The following CHST9 variants were observed in gnomAD, a reference collection of about 807,000 sequenced individuals.
CHST9 encodes the protein carbohydrate sulfotransferase 9, also known as GalNAc-4-sulfotransferase 2.
CHST9 carries 41 observed loss-of-function variants against 44.4 expected under a neutral mutation model. The ratio of observed to expected loss-of-function variants is 0.92; its 90% CI spans 0.72 to 1.20. The LOEUF (loss-of-function observed/expected upper bound fraction) is 1.20. CHST9 is among the 50% of genes most tolerant of loss of function. CHST9 has a pLI of 0.00. For synonymous variants in CHST9, 171 were observed against 178.4 expected, an observed-to-expected ratio of 0.96 and a Z score of 0.33; for missense variants, 504 against 516.5, an observed-to-expected ratio of 0.98 and a Z score of 0.23.
intron 2 of CHST9, among the ~76,000 whole-genome samples, chr18:27,116,618 A>G (rs1370038221): frequency 6.6e-6 from 1 of 152,188 alleles, no homozygotes; most frequent in Non-Finnish European, 1.5e-5. Context: ...TCAGCTTATC[A>G]ATTTTGGCAA....
chr18:27,011,495 C>T (rs1166200740), intron 4 of CHST9, among the ~76,000 whole-genome samples: 3 of 152,048 alleles, frequency 2.0e-5, no homozygotes, highest in Non-Finnish European at 4.4e-5. Flanking sequence ...AAGAGCAGCA[C>T]CATGCAGTAA....
intron 4 of CHST9, among the ~76,000 whole-genome samples, chr18:27,001,602 T>C (rs2056954118): frequency 6.8e-6 from 1 of 147,080 alleles, no homozygotes; most frequent in Non-Finnish European, 1.5e-5. Flanking sequence ...AGAGACTTCA[T>C]GGGGCTTGGA....
rs1003017877 is a variant in CHST9 at position 26,968,318 on chromosome 18, TTTG to T, written c.203-23955_203-23953del. Among the ~76,000 whole-genome samples the T allele has an allele frequency of 3.4e-4, 52 of 152,272 alleles. 3 individuals are homozygous for T. Among genetic ancestry groups the T allele is most frequent in the Admixed American group, 3.2e-3 (49 of 15,292 alleles). On this transcript the variant is annotated intron_variant, in intron 4 of 5. Coordinates refer to ENST00000618847, the MANE Select transcript of CHST9 (RefSeq NM_031422.6). ...CACTCCCACCAACAATTTATGAGAG[TTTG>T]TTATTTCACCCACATCCTCTAGGCT... is the stretch of plus-strand genomic sequence containing the variant.
At chr18:26,938,908 G>A (rs2056040519) in intron 5 of CHST9, among the ~76,000 whole-genome samples, 1 of 152,174 alleles carries the variant, frequency 6.6e-6, no homozygotes, top group Admixed American at 6.5e-5. Flanking sequence ...CAATGACACA[G>A]CAGGTTTGAA....
intron 3 of CHST9, among the ~76,000 whole-genome samples, chr18:27,030,752 C>T (rs1252428664): frequency 2.0e-5 from 3 of 152,174 alleles, no homozygotes; most frequent in Admixed American, 2.0e-4. Context: ...GAGGCAGCCT[C>T]TAAAGTGAGA....
intron 4 of CHST9, among the ~76,000 whole-genome samples, chr18:26,983,342 T>C (rs1053757303): frequency 1.3e-5 from 2 of 152,116 alleles, no homozygotes; most frequent in East Asian, 3.9e-4. Flanking sequence ...TTGAGAGGAA[T>C]TTGGGTCAGA....
chr18:27,163,501 G>A (rs1358419502), intron 1 of CHST9, among the ~76,000 whole-genome samples: 5 of 152,170 alleles, frequency 3.3e-5, no homozygotes, highest in African/African-American at 1.2e-4. Flanking sequence ...ACCTACTCAA[G>A]CCTCCGCAAT....
chr18:27,137,941 T>G (rs767960654), intron 2 of CHST9, among the ~76,000 whole-genome samples: 2 of 152,216 alleles, frequency 1.3e-5, no homozygotes, highest in Non-Finnish European at 2.9e-5. Context: ...TCATCACTGC[T>G]GCATCATACG....
chr18:26,932,965 T>C (rs1209444906), intron 5 of CHST9: 1 of 153,816 alleles, frequency 6.5e-6, no homozygotes, highest in African/African-American at 2.4e-5. Context: ...TTCTGCTCTA[T>C]TAATCTGGTT....
At chr18:26,920,234 T>G (rs1036930294) in intron 5 of CHST9, among the ~76,000 whole-genome samples, 3 of 152,172 alleles carry the variant, frequency 2.0e-5, no homozygotes, top group Admixed American at 2.0e-4. Context: ...ACCACTCTTG[T>G]CTCACCTTCC....
intron 4 of CHST9, among the ~76,000 whole-genome samples, chr18:26,959,097 A>G (rs2056366773): frequency 6.6e-6 from 1 of 152,240 alleles, no homozygotes; most frequent in Admixed American, 6.5e-5. Flanking sequence ...TTGGATAAAG[A>G]AAATGTGGTA....
At chr18:26,994,482 T>C (rs181365902) in intron 4 of CHST9, among the ~76,000 whole-genome samples, 3 of 152,080 alleles carry the variant, frequency 2.0e-5, no homozygotes, top group Admixed American at 6.5e-5. Context: ...TGATTTCTGA[T>C]AACACGTTTG....
chr18:26,971,350 CA>C (rs747596149), intron 4 of CHST9, among the ~76,000 whole-genome samples: 51 of 152,308 alleles, frequency 3.3e-4, no homozygotes, highest in South Asian at 1.0e-3. Flanking sequence ...AGAATAAAGA[CA>C]GAGAAATTCA....
intron 2 of CHST9, among the ~76,000 whole-genome samples, chr18:27,049,478 T>A (rs1460094200): frequency 6.6e-6 from 1 of 152,078 alleles, no homozygotes; most frequent in Non-Finnish European, 1.5e-5. Context: ...TATACGCATC[T>A]GACATTGGAG....
At chr18:27,090,558 T>C (rs1460547771) in intron 2 of CHST9, among the ~76,000 whole-genome samples, 1 of 152,224 alleles carries the variant, frequency 6.6e-6, no homozygotes, top group Non-Finnish European at 1.5e-5. Flanking sequence ...TAGGTTTTCT[T>C]CTAGGGTTTT....
At chr18:27,046,151 C>T (rs895896980) in intron 3 of CHST9, among the ~76,000 whole-genome samples, 86 of 152,076 alleles carry the variant, frequency 5.7e-4, no homozygotes, top group African/African-American at 1.9e-3. Context: ...TGCCCAACCC[C>T]CTGCACATGT....
intron 2 of CHST9, among the ~76,000 whole-genome samples, chr18:27,084,668 G>T (rs1188903367): frequency 1.3e-5 from 2 of 150,998 alleles, no homozygotes; most frequent in Non-Finnish European, 3.0e-5. Context: ...CTCTAATTTT[G>T]GTTATTTCTT....
chr18:27,145,970 A>C (rs2058608709), intron 1 of CHST9, among the ~76,000 whole-genome samples: 1 of 152,232 alleles, frequency 6.6e-6, no homozygotes, highest in Non-Finnish European at 1.5e-5. Context: ...AACAAAATCT[A>C]GTACTAACAA....
At chr18:27,002,063 A>G (rs1226428945) in intron 4 of CHST9, among the ~76,000 whole-genome samples, 1 of 152,000 alleles carries the variant, frequency 6.6e-6, no homozygotes, top group African/African-American at 2.4e-5. Context: ...AAAAAGGCAC[A>G]TCCTTTGGGT....
Sources: gnomAD v4.1 joint callset for allele counts (sites outside exome capture counted in the v4.1 genomes callset) on GRCh38, gnomAD v4.1.1 for gene constraint, MANE v1.5 for transcripts, NCBI Gene and HGNC (gene_info 2026-07-23, HGNC 2026-07-21) for gene names.